Variants in ZMYND8 observed in about 807,000 individuals in gnomAD.
ZMYND8 encodes the protein zinc finger MYND-type containing 8.
Under a neutral mutation model 140.8 loss-of-function variants are expected in ZMYND8, and 37 were observed. The observed-to-expected ratio is 0.26, with a 90% CI of 0.20 to 0.35. The LOEUF is 0.35. Ranked by LOEUF, ZMYND8 falls within the 10% of genes least tolerant of loss-of-function variation. The pLI is 1.00. For synonymous variants in ZMYND8, 592 were observed against 597.1 expected, an observed-to-expected ratio of 0.99 and a Z score of 0.12; for missense variants, 1,068 against 1,570.0, an observed-to-expected ratio of 0.68 and a Z score of 5.40.
At chr20:47,239,228 A>C in intron 14 of ZMYND8, 90 bp from the exon 15 acceptor site, 1 of 1,419,188 alleles carries the variant, frequency 7.0e-7, no homozygotes, top group Non-Finnish European at 9.2e-7. Flanking sequence ...TCTGGGTAAA[A>C]CCTATGAAAG....
chr20:47,257,180 G>C (rs2074798689), intron 12 of ZMYND8, among the ~76,000 whole-genome samples: 1 of 152,056 alleles, frequency 6.6e-6, no homozygotes, highest in Admixed American at 6.6e-5. Flanking sequence ...CAGCAAATGA[G>C]GGGAAACAGT....
At chr20:47,251,019 CT>C (rs922263446) in intron 12 of ZMYND8, among the ~76,000 whole-genome samples, 64 of 138,386 alleles carry the variant, frequency 4.6e-4, no homozygotes, top group East Asian at 1.0e-3. Context: ...CAGAGCAAGA[CT>C]TTTTTTTTTT....
intron 2 of ZMYND8, among the ~76,000 whole-genome samples, chr20:47,342,757 G>A (rs1399808275): frequency 1.3e-5 from 2 of 150,452 alleles, no homozygotes; most frequent in African/African-American, 2.5e-5. Flanking sequence ...CTGGAGCAGA[G>A]GAATTGCTTG....
At chr20:47,235,679 C>T (rs1357710318) in intron 16 of ZMYND8, among the ~76,000 whole-genome samples, 1 of 151,244 alleles carries the variant, frequency 6.6e-6, no homozygotes. Flanking sequence ...TGCACTCCAG[C>T]CTGGGGAACA....
intron 11 of ZMYND8, among the ~76,000 whole-genome samples, chr20:47,265,575 G>A (rs898523706): frequency 6.6e-6 from 1 of 152,140 alleles, no homozygotes; most frequent in African/African-American, 2.4e-5. Context: ...GGAGTAGCTG[G>A]GGCTACAGGT....
At chr20:47,347,454 A>T (rs2082424946) in intron 2 of ZMYND8, among the ~76,000 whole-genome samples, 1 of 152,246 alleles carries the variant, frequency 6.6e-6, no homozygotes, top group African/African-American at 2.4e-5. Flanking sequence ...CTTTCCAGTG[A>T]AGCGGGCTGA....
intron 2 of ZMYND8, among the ~76,000 whole-genome samples, chr20:47,338,670 C>G (rs370248061): frequency 6.6e-6 from 1 of 152,182 alleles, no homozygotes; most frequent in African/African-American, 2.4e-5. Context: ...CACCGCCACT[C>G]ACTATGGGGC....
In ZMYND8 at chr20:47,221,461, C is replaced by A; in HGVS notation, c.3270G>T (p.Gln1090His). ...TGTTCACCTCAGCATCCGCTTCCTGCTGAGGAGCAGTAGCTGGGGACAAAG... is the reference window on the plus strand; with the variant it reads ...TGTTCACCTCAGCATCCGCTTCCTGATGAGGAGCAGTAGCTGGGGACAAAG... The part of the protein sequence containing the change: ...KSCTQSATAP[Q>H]QEADAEVNTE... Residue 1090 changes from glutamine (Q) to histidine (H), a missense_variant, in exon 20 of 23, where the codon CAG becomes CAT. Physicochemically the swap from Gln to His is conservative, Grantham distance 24. Around this residue, in one of 10 missense-constraint regions of ZMYND8, gnomAD observed 180 missense variants for 187.8 expected, o/e 0.96. Transcript: ENST00000471951. 1 of 1,613,988 alleles carries A rather than the reference C, an allele frequency of 6.2e-7. No homozygotes were observed. Among genetic ancestry groups the A allele is most frequent in the East Asian group, 2.2e-5 (1 of 44,872 alleles).
chr20:47,260,678 G>A (rs956476379), intron 12 of ZMYND8, among the ~76,000 whole-genome samples: 1 of 152,150 alleles, frequency 6.6e-6, no homozygotes, highest in Admixed American at 6.5e-5. Flanking sequence ...CCCATCTCTT[G>A]CCTCATCACA....
In ZMYND8 at chr20:47,336,550, T is replaced by C. The variant is rs542566393; in HGVS notation, c.85+11306A>G. 6.6e-5 allele frequency among the ~76,000 whole-genome samples: 10 copies of C among 152,198 alleles called. No homozygotes were observed. The South Asian group carries it at 2.1e-3, about 32-fold the overall frequency. Reference sequence around the variant, plus strand: ...GGAGACGTGAATTCAACCCGCGGAGTACATCATTTCTCAGGCTGCAAATCC... The same window carrying C: ...GGAGACGTGAATTCAACCCGCGGAGCACATCATTTCTCAGGCTGCAAATCC... On this transcript the variant is annotated intron_variant, in intron 2 of 22. Coordinates refer to ENST00000471951, the MANE Select transcript of ZMYND8 (RefSeq NM_001281775.3).
intron 8 of ZMYND8, among the ~76,000 whole-genome samples, chr20:47,285,100 ATG>A (rs1405500778): frequency 6.6e-6 from 1 of 152,178 alleles, no homozygotes; most frequent in Non-Finnish European, 1.5e-5. Context: ...TAAAAAAAAA[ATG>A]AGGCCCCAAA....
intron 8 of ZMYND8, among the ~76,000 whole-genome samples, chr20:47,286,502 A>G (rs1018572255): frequency 6.6e-6 from 1 of 152,054 alleles, no homozygotes; most frequent in African/African-American, 2.4e-5. Flanking sequence ...TCTATCATCT[A>G]TCTATCTATC....
At position 47,298,107 on chromosome 20, in the gene ZMYND8, T is replaced by G. The variant is rs2077762170; in HGVS notation, c.453+622A>C. The stretch of plus-strand genomic sequence containing the variant: ...GGACCTCCTATTCCCATCCTGAATT[T>G]GTTTTCTTCACAGCACTTTTCTTTT... On this transcript the variant is annotated intron_variant, in intron 4 of 22. Coordinates refer to ENST00000471951, the MANE Select transcript of ZMYND8 (RefSeq NM_001281775.3). The surrounding 1 kb of genome is among the most constrained non-coding windows in gnomAD (Gnocchi z 5.0). The G allele has an allele frequency of 3.7e-6, 1 of 267,974 alleles. No individual in the cohort carries two copies. The highest frequency in any genetic ancestry group is 5.7e-6 in the Non-Finnish European group (1 of 174,244). The allele number at this position is 267,974 out of a possible 1,614,324, so 16.6% of individuals were successfully genotyped here. A position where few individuals can be genotyped will look rare whatever the true frequency, so the allele number is the denominator to read the frequency against.
chr20:47,282,347 G>T, intron 9 of ZMYND8, 130 bp from the exon 10 acceptor site: 1 of 715,268 alleles, frequency 1.4e-6, no homozygotes, highest in Non-Finnish European at 2.3e-6. Flanking sequence ...TTTCAAGCAG[G>T]GTCGGCCTGT....
chr20:47,246,053 G>T lies in ZMYND8; in HGVS notation c.2239C>A (p.Arg747=), dbSNP rs1388291112. ...TCTTTGGGTTCCTTCTTATTTTTTC[G>T]ACCCTCCCGCCCAGAATGGTCTTCT... ...LGEDHSGREG[R]KNKKEPKEPS... is the part of the protein sequence containing the mutation. Residue 747 remains arginine, a synonymous_variant, in exon 14 of 23, where the codon CGA becomes AGA. Coordinates refer to ENST00000471951, the MANE Select transcript of ZMYND8 (RefSeq NM_001281775.3). 2 of 1,602,006 alleles carry T rather than the reference G, an allele frequency of 1.2e-6. No homozygotes were observed. Among genetic ancestry groups the T allele is most frequent in the Admixed American group, 1.8e-5 (1 of 56,304 alleles).
At chr20:47,256,823 G>C (rs939825677) in intron 12 of ZMYND8, among the ~76,000 whole-genome samples, 1 of 152,110 alleles carries the variant, frequency 6.6e-6, no homozygotes, top group Non-Finnish European at 1.5e-5. Flanking sequence ...CATTAACAGT[G>C]GAGAAATAAA....
Position 47,238,885 on chromosome 20 carries a change from T to C in ZMYND8, c.2538A>G (p.Gln846=). ...GCATGTGCCACTTTTGGGAGGACGTTTGAAACTTACTTGATGAGTTCCACA... is the reference window on the plus strand; with the variant it reads ...GCATGTGCCACTTTTGGGAGGACGTCTGAAACTTACTTGATGAGTTCCACA... ...RVVWNSSSKF[Q]TSSQKWHMQK... is the part of the protein sequence containing the mutation. Residue 846 remains glutamine (Q), a synonymous_variant, in exon 15 of 23, where the codon CAA becomes CAG. Transcript: ENST00000471951. The C allele has an allele frequency of 2.5e-6, 4 of 1,613,874 alleles. No homozygotes were observed. The highest frequency in any genetic ancestry group is 3.4e-6 in the Non-Finnish European group (4 of 1,180,042).
At chr20:47,253,521 A>G (rs1307919321) in intron 12 of ZMYND8, among the ~76,000 whole-genome samples, 3 of 144,310 alleles carry the variant, frequency 2.1e-5, no homozygotes, top group Non-Finnish European at 4.5e-5. Context: ...TGGGCAACAG[A>G]ATGAGACTCC....
chr20:47,249,496 G>C (rs2073995828), intron 12 of ZMYND8, 57 bp from the exon 13 acceptor site: 2 of 1,574,600 alleles, frequency 1.3e-6, no homozygotes, highest in Non-Finnish European at 8.6e-7. Context: ...TCATCACGGA[G>C]CTTCGTCCTT....
Sources: allele counts gnomAD v4.1 joint callset (sites outside exome capture counted in the v4.1 genomes callset), GRCh38; gene constraint gnomAD v4.1.1; regional missense constraint gnomAD v4.1.1; non-coding constraint Gnocchi (gnomAD v3.1); transcripts MANE v1.5; gene names NCBI Gene and HGNC (gene_info 2026-07-23, HGNC 2026-07-21).